The following CNTROB variants were observed in gnomAD, a reference collection of about 807,000 sequenced individuals.
The protein encoded by CNTROB is centrobin, centriole duplication and spindle assembly protein.
Under a neutral mutation model 115.7 loss-of-function variants are expected in CNTROB, and 82 were observed. The observed-to-expected ratio is 0.71, with a 90% CI of 0.59 to 0.85. The LOEUF (loss-of-function observed/expected upper bound fraction) is 0.85, where lower values mean the gene tolerates loss of function less well. Ranked by LOEUF, CNTROB falls within the 40% of genes least tolerant of loss-of-function variation. The pLI, the probability that CNTROB is intolerant of heterozygous loss-of-function variation, is 0.00. For synonymous variants in CNTROB, 439 were observed against 456.4 expected, an observed-to-expected ratio of 0.96 and a Z score of 0.49; for missense variants, 1,014 against 1,144.4, an observed-to-expected ratio of 0.89 and a Z score of 1.64.
rs989785110 is a variant in CNTROB, at chr17:7,935,255, G to A, written c.594+110G>A. 11 of 1,539,228 alleles carry A rather than the reference G, an allele frequency of 7.1e-6. No homozygotes were observed. In the Admixed American group the frequency reaches 1.2e-4, roughly 17 times the overall value. ...GTGGTGGCTCACGCCTGTAATCACA[G>A]CACTTTGGGAGGCTGAGGCAGGCGG... is the stretch of plus-strand genomic sequence containing the variant. On this transcript the variant is annotated intron_variant, in intron 4 of 18. Transcript: ENST00000563694.
chr17:7,946,246 C>T (rs1974522538), intron 13 of CNTROB, among the ~76,000 whole-genome samples: 1 of 152,204 alleles, frequency 6.6e-6, no homozygotes, highest in Non-Finnish European at 1.5e-5. Flanking sequence ...CTAGCTGGCC[C>T]TTTTCTGTGG....
In CNTROB at chr17:7,947,751, A is replaced by G. The variant is rs760980273; in HGVS notation, c.2145+29A>G. The G allele has an allele frequency of 8.7e-6, 14 of 1,600,996 alleles. No individual in the cohort carries two copies. In the South Asian group the frequency reaches 1.4e-4, roughly 17 times the overall value. On this transcript the variant is annotated intron_variant, in intron 14 of 18. Coordinates refer to ENST00000563694, the MANE Select transcript of CNTROB (RefSeq NM_053051.5). Reference sequence around the variant, plus strand: ...AGAGAGATTCCACCCAGACTAGCTCACTTTCTTCTTCCCTTTCTCCTTTCC... The same window carrying G: ...AGAGAGATTCCACCCAGACTAGCTCGCTTTCTTCTTCCCTTTCTCCTTTCC...
At chr17:7,941,963 CAAA>C (rs59403978) in intron 9 of CNTROB, among the ~76,000 whole-genome samples, 1 of 137,926 alleles carries the variant, frequency 7.3e-6, no homozygotes. Context: ...GACCGAGTCT[CAAA>C]AAAAAAAAAG....
chr17:7,938,128 A>G (rs1000559967), intron 7 of CNTROB, among the ~76,000 whole-genome samples: 1 of 149,626 alleles, frequency 6.7e-6, no homozygotes, highest in Non-Finnish European at 1.5e-5. Flanking sequence ...TTAGCCTCCC[A>G]AGTAGCTGGG....
chr17:7,948,663 C>T lies in CNTROB; in HGVS notation c.2513+44C>T. Reference sequence around the variant, plus strand: ...GGAGGAAGGATTCTCCGGGTGGAAGCTGGATTATGGGGAGTGGAGTGGGTG... The same window carrying T: ...GGAGGAAGGATTCTCCGGGTGGAAGTTGGATTATGGGGAGTGGAGTGGGTG... On this transcript the variant is annotated intron_variant, in intron 17 of 18. Coordinates refer to ENST00000563694, the MANE Select transcript of CNTROB (RefSeq NM_053051.5). The surrounding 1 kb of genome is among the most constrained non-coding windows in gnomAD (Gnocchi z 4.4). 1.2e-6 allele frequency: 2 copies of T among 1,614,040 alleles called. No homozygotes were observed. Among genetic ancestry groups the T allele is most frequent in the East Asian group, 4.5e-5 (2 of 44,880 alleles).
chr17:7,932,356 T>G lies in CNTROB; in HGVS notation c.-724T>G. On this transcript the variant is annotated 5_prime_UTR_variant, in exon 1 of 19. Transcript: ENST00000563694. Reference sequence around the variant, plus strand: ...GAGAGTAGGCGGAACCAGGTGGTCGTCGGGGCAGAGGATCTCGGGCTAGGC... The same window carrying G: ...GAGAGTAGGCGGAACCAGGTGGTCGGCGGGGCAGAGGATCTCGGGCTAGGC... 1.2e-5 allele frequency: 2 copies of G among 161,830 alleles called. No homozygotes were observed. The highest frequency in any genetic ancestry group is 3.0e-4 in the South Asian group (2 of 6,728). The allele number at this position is 161,830 out of a possible 1,614,324, so 10.0% of individuals were successfully genotyped here. A position where few individuals can be genotyped will look rare whatever the true frequency, so the allele number is the denominator to read the frequency against.
chr17:7,936,618 A>C lies in CNTROB; in HGVS notation c.712-83A>C. On this transcript the variant is annotated intron_variant, in intron 5 of 18. Coordinates refer to ENST00000563694, the MANE Select transcript of CNTROB (RefSeq NM_053051.5). ...GGGTTGGTTTGCTGACTGTTGGGAG[A>C]AGATGGCTGTTGACCCTGCCCCTGT... 3.7e-6 allele frequency: 3 copies of C among 802,090 alleles called. No homozygotes were observed. The South Asian group carries it at 4.0e-5, about 11-fold the overall frequency. 49.7% of individuals were successfully genotyped at this position (802,090 alleles called of 1,614,324 possible).
rs762622728 is a variant in CNTROB, at chr17:7,943,514, G to A, written c.1435G>A (p.Glu479Lys). ...SSLRQAASLR[E>K]HHRKQLQDLS... is the part of the protein sequence containing the mutation. ...CCTACGGCAAGCAGCCTCCCTCAGG[G>A]AACATCACAGGTACGTGGGACTCAC... Residue 479 changes from glutamate (E) to lysine (K), a missense_variant, in exon 10 of 19, where the codon GAA becomes AAA. Glu to Lys is a moderately conservative substitution (Grantham distance 56, BLOSUM62 1). Coordinates refer to ENST00000563694, the MANE Select transcript of CNTROB (RefSeq NM_053051.5). This position sits in a 1 kb window ranked among gnomAD's most constrained non-coding sequence, Gnocchi z 4.7. 2.5e-6 allele frequency: 4 copies of A among 1,612,568 alleles called. No homozygotes were observed. Among genetic ancestry groups the A allele is most frequent in the Middle Eastern group, 1.7e-4 (1 of 5,950 alleles).
rs1465412981 is a variant in CNTROB, at chr17:7,944,392, C to T, written c.1572-84C>T. The T allele has an allele frequency of 6.3e-7, 1 of 1,578,266 alleles. No homozygotes were observed. The highest frequency in any genetic ancestry group is 8.7e-7 in the Non-Finnish European group (1 of 1,152,494). ...AGCTCCTTTCAGAATATCAGATGTC[C>T]AACATTTCCCTTCTGGCTCTTTTTA... is the stretch of plus-strand genomic sequence containing the variant. On this transcript the variant is annotated intron_variant, in intron 11 of 18. Coordinates refer to ENST00000563694, the MANE Select transcript of CNTROB (RefSeq NM_053051.5). This position sits in a 1 kb window ranked among gnomAD's most constrained non-coding sequence, Gnocchi z 4.0.
chr17:7,934,301 C>A, intron 2 of CNTROB, 79 bp downstream of exon 2: 1 of 1,442,022 alleles, frequency 6.9e-7, no homozygotes, highest in Non-Finnish European at 9.8e-7. Flanking sequence ...AGGAAGCAGG[C>A]AGGAAAACCT....
intron 8 of CNTROB, 31 bp from the exon 9 acceptor site, chr17:7,940,065 T>A: frequency 6.4e-7 from 1 of 1,556,856 alleles, no homozygotes; most frequent in East Asian, 2.3e-5. Context: ...AGAAATGAGG[T>A]ATGTATATAC....
At chr17:7,938,150 A>T (rs1431474640) in intron 7 of CNTROB, among the ~76,000 whole-genome samples, 1 of 151,922 alleles carries the variant, frequency 6.6e-6, no homozygotes, top group East Asian at 1.9e-4. Context: ...CTACAGGCGT[A>T]TACCACCACG....
rs1215724974 is a variant in CNTROB, at chr17:7,937,210, T to C, written c.875T>C (p.Leu292Pro). 6.2e-7 allele frequency: 1 copy of C among 1,614,176 alleles called. No homozygotes were observed. The change falls in exon 7 of 19, where the codon CTG (leucine) becomes CCG (proline). Residue 292 changes from leucine (L) to proline (P), a missense_variant. Transcript: ENST00000563694. ...EQSLSEAMEALNREQESARLQ... is the reference protein window; with the variant it reads ...EQSLSEAMEAPNREQESARLQ... ...AGCCTTTCTGAGGCCATGGAGGCCC[T>C]GAATCGTGAGCAGGAAAGTGCCAGA...
At chr17:7,938,929 C>T (rs1340433021) in intron 7 of CNTROB, among the ~76,000 whole-genome samples, 1 of 152,136 alleles carries the variant, frequency 6.6e-6, no homozygotes, top group African/African-American at 2.4e-5. Flanking sequence ...CAGGTGTGCA[C>T]CACCATGCCC....
chr17:7,932,738 T>G lies in CNTROB; in HGVS notation c.-342T>G, dbSNP rs1300009216. ...GACCGGGGATAGCCTGTGCCGGAGT[T>G]GATCTGCAGCTTCCAGCACTCGTAG... On this transcript the variant is annotated 5_prime_UTR_variant, in exon 1 of 19. Coordinates refer to ENST00000563694, the MANE Select transcript of CNTROB (RefSeq NM_053051.5). The G allele has an allele frequency of 7.7e-6, 2 of 260,818 alleles. No homozygotes were observed. The highest frequency in any genetic ancestry group is 1.4e-5 in the Non-Finnish European group (2 of 137,956). The allele number at this position is 260,818 out of a possible 1,614,324, so 16.2% of individuals were successfully genotyped here.
rs183303460 is a variant in CNTROB at position 7,942,736 on chromosome 17, G to T, written c.1312-655G>T. ...AGGTTGACTGCTTAAGGAGGAAGAG[G>T]CACTGCCATTTATTGAATGTCTACT... On this transcript the variant is annotated intron_variant, in intron 9 of 18. Coordinates refer to ENST00000563694, the MANE Select transcript of CNTROB (RefSeq NM_053051.5). 7.5e-4 allele frequency among the ~76,000 whole-genome samples: 113 copies of T among 150,182 alleles called. 2 individuals are homozygous for T. Among genetic ancestry groups the T allele is most frequent in the Middle Eastern group, 3.5e-3 (1 of 282 alleles).
chr17:7,946,881 AAAG>A (rs1307773231), intron 13 of CNTROB, among the ~76,000 whole-genome samples: 3 of 151,906 alleles, frequency 2.0e-5, no homozygotes, highest in Non-Finnish European at 4.4e-5. Context: ...AAAAAAAAAA[AAAG>A]AGATTACAGC....
chr17:7,947,726 A>G lies in CNTROB; in HGVS notation c.2145+4A>G, dbSNP rs780687580. 1.2e-6 allele frequency: 2 copies of G among 1,609,394 alleles called. No homozygotes were observed. The highest frequency in any genetic ancestry group is 4.5e-5 in the East Asian group (2 of 44,804). Reference sequence around the variant, plus strand: ...CCTCAAGAATTTTTTGCACCAGGTAAGAGAGATTCCACCCAGACTAGCTCA... The same window carrying G: ...CCTCAAGAATTTTTTGCACCAGGTAGGAGAGATTCCACCCAGACTAGCTCA... On this transcript the variant is annotated splice_donor_region_variant and intron_variant, in intron 14 of 18. Coordinates refer to ENST00000563694, the MANE Select transcript of CNTROB (RefSeq NM_053051.5).
intron 7 of CNTROB, 86 bp downstream of exon 7, chr17:7,937,348 T>C (rs1962318174): frequency 1.0e-5 from 16 of 1,539,900 alleles, no homozygotes; most frequent in African/African-American, 1.4e-5. Context: ...TGTGGGAGAT[T>C]ATAATTTGAG....
Sources: gnomAD v4.1 joint callset for allele counts (sites outside exome capture counted in the v4.1 genomes callset) on GRCh38, gnomAD v4.1.1 for gene constraint, Gnocchi (gnomAD v3.1) non-coding constraint, MANE v1.5 for transcripts, NCBI Gene and HGNC (gene_info 2026-07-23, HGNC 2026-07-21) for gene names.